Variants in KLF13 observed in about 807,000 individuals in gnomAD.
The protein encoded by KLF13 is KLF transcription factor 13.
Under a neutral mutation model 16.7 loss-of-function variants are expected in KLF13, and 8 were observed. That is an observed-to-expected ratio of 0.48 (90% CI 0.28 to 0.87). KLF13 has a LOEUF of 0.87. Ranked by LOEUF, KLF13 falls within the 40% of genes least tolerant of loss-of-function variation. KLF13 has a pLI of 0.10. For synonymous variants in KLF13, 245 were observed against 208.4 expected, an observed-to-expected ratio of 1.18 and a Z score of -1.51; for missense variants, 447 against 452.2, an observed-to-expected ratio of 0.99 and a Z score of 0.10.
In KLF13 at chr15:31,327,389, C is replaced by T. The variant is rs559841055; in HGVS notation, c.177C>T (p.Ala59=). 214 of 1,290,230 alleles carry T rather than the reference C, an allele frequency of 1.7e-4. No individual in the cohort carries two copies. In the African/African-American group the frequency reaches 2.9e-3, roughly 17 times the overall value. 79.9% of individuals were successfully genotyped at this position (1,290,230 alleles called of 1,614,324 possible). A position where few individuals can be genotyped will look rare whatever the true frequency, so the allele number is the denominator to read the frequency against. ...VEERRDGKDS[A]SLFVVARILA... ...AGCGCCGCGACGGTAAGGACAGCGCCTCGCTCTTCGTGGTGGCGCGGATCC... is the reference window on the plus strand; with the variant it reads ...AGCGCCGCGACGGTAAGGACAGCGCTTCGCTCTTCGTGGTGGCGCGGATCC... The change falls in exon 1 of 2, where the codon GCC becomes GCT. Residue 59 remains alanine, a synonymous_variant. Transcript: ENST00000307145.
intron 1 of KLF13, among the ~76,000 whole-genome samples, chr15:31,343,805 T>A (rs1272105029): frequency 6.6e-6 from 1 of 152,174 alleles, no homozygotes; most frequent in South Asian, 2.1e-4. Context: ...CATGACTCCA[T>A]GGGGAAGGTC....
At position 31,327,065 on chromosome 15, in the gene KLF13, G is replaced by A; in HGVS notation, c.-148G>A. The A allele has an allele frequency of 3.0e-6, 2 of 666,566 alleles. No individual in the cohort carries two copies. Among genetic ancestry groups the A allele is most frequent in the Non-Finnish European group, 3.9e-6 (2 of 512,464 alleles). The allele number at this position is 666,566 out of a possible 1,614,324, so 41.3% of individuals were successfully genotyped here. A position where few individuals can be genotyped will look rare whatever the true frequency, so the allele number is the denominator to read the frequency against. On this transcript the variant is annotated 5_prime_UTR_variant, in exon 1 of 2. Coordinates refer to ENST00000307145, the MANE Select transcript of KLF13 (RefSeq NM_015995.4). ...GCGGAGCCGCGCGGGTGACGGCACA[G>A]GCGGCTGCGCGCCCAGCCCAGCCCA...
intron 1 of KLF13, among the ~76,000 whole-genome samples, chr15:31,369,921 T>C (rs2039531234): frequency 6.6e-6 from 1 of 152,284 alleles, no homozygotes; most frequent in African/African-American, 2.4e-5. Flanking sequence ...TATTAAGCTG[T>C]GAGAGCTCCT....
intron 1 of KLF13, among the ~76,000 whole-genome samples, chr15:31,354,940 C>T (rs1159829466): frequency 6.6e-6 from 1 of 152,136 alleles, no homozygotes; most frequent in African/African-American, 2.4e-5. Flanking sequence ...AAGTGTGAAG[C>T]AAAAAATCCA....
chr15:31,338,942 G>A (rs1043499072), intron 1 of KLF13, among the ~76,000 whole-genome samples: 2 of 152,066 alleles, frequency 1.3e-5, no homozygotes, highest in African/African-American at 4.8e-5. Context: ...CCCCAGGGGG[G>A]CCTGAGGAGG....
At chr15:31,338,011 G>A (rs1302132632) in intron 1 of KLF13, among the ~76,000 whole-genome samples, 1 of 151,496 alleles carries the variant, frequency 6.6e-6, no homozygotes, top group Non-Finnish European at 1.5e-5. Context: ...GAGCAGGTAG[G>A]TGGTTTTCCT....
Position 31,327,690 on chromosome 15 carries a change from C to A in KLF13, c.478C>A (p.Leu160Ile). 1 of 1,532,804 alleles carries A rather than the reference C, an allele frequency of 6.5e-7. No individual in the cohort carries two copies. 95.0% of individuals were successfully genotyped at this position (1,532,804 alleles called of 1,614,324 possible). A position where few individuals can be genotyped will look rare whatever the true frequency, so the allele number is the denominator to read the frequency against. Residue 160 changes from leucine (L) to isoleucine (I), a missense_variant, in exon 1 of 2, where the codon CTC becomes ATC. Coordinates refer to ENST00000307145, the MANE Select transcript of KLF13 (RefSeq NM_015995.4). Reference protein sequence around the residue: ...RVRRGRSRADLESPQRKHKCH... With the variant: ...RVRRGRSRADIESPQRKHKCH... ...CCGGCGGGGCCGAAGTCGCGCCGAC[C>A]TCGAGTCCCCGCAGAGGAAGCACAA... is the stretch of plus-strand genomic sequence containing the variant.
chr15:31,394,031 C>T (rs2039916249), intron 2 of KLF13, among the ~76,000 whole-genome samples: 1 of 151,982 alleles, frequency 6.6e-6, no homozygotes, highest in Non-Finnish European at 1.5e-5. Context: ...TTCCTGGGGG[C>T]GCGGTCCATG....
At position 31,359,595 on chromosome 15, in the gene KLF13, A is replaced by G. The variant is rs117076738; in HGVS notation, c.578-12415A>G. Among the ~76,000 whole-genome samples the G allele has an allele frequency of 5.3e-4, 81 of 152,348 alleles. 1 individual carries two copies. In the East Asian group the frequency reaches 0.015, roughly 28 times the overall value. ...CCAAAGTGATTCATTTGATGAAGGC[A>G]GAAATGCAGAAAGGACAGTCACACA... On this transcript the variant is annotated intron_variant, in intron 1 of 1. Coordinates refer to ENST00000307145, the MANE Select transcript of KLF13 (RefSeq NM_015995.4).
At chr15:31,364,958 G>A (rs769398476) in intron 1 of KLF13, among the ~76,000 whole-genome samples, 3 of 152,234 alleles carry the variant, frequency 2.0e-5, no homozygotes, top group Non-Finnish European at 4.4e-5. Context: ...GAGGCTGTAT[G>A]CCTGAGTTTC....
chr15:31,370,044 CTTT>C (rs912005994), intron 1 of KLF13, among the ~76,000 whole-genome samples: 3 of 99,300 alleles, frequency 3.0e-5, no homozygotes, highest in Non-Finnish European at 6.4e-5. Context: ...TCTCCTTTTT[CTTT>C]TTTTTTTTTT....
rs2038746067 is a variant in KLF13, at chr15:31,327,852, C to A, written c.577+63C>A. ...GGGGTCGGCGCGAGCTGCCCGACCA[C>A]GCCCCCGGAGTCCCCGATGGGGCGC... On this transcript the variant is annotated intron_variant, in intron 1 of 1. Coordinates refer to ENST00000307145, the MANE Select transcript of KLF13 (RefSeq NM_015995.4). 6.1e-6 allele frequency: 8 copies of A among 1,306,358 alleles called. No homozygotes were observed. The Admixed American group carries it at 1.3e-4, about 22-fold the overall frequency. 80.9% of individuals were successfully genotyped at this position (1,306,358 alleles called of 1,614,324 possible).
rs977215422 is a variant in KLF13 at position 31,372,443 on chromosome 15, TAAAA to T, written c.*148_*151del. 4.2e-6 allele frequency: 4 copies of T among 962,632 alleles called. No individual in the cohort carries two copies. The African/African-American group carries it at 6.9e-5, about 17-fold the overall frequency. The allele number at this position is 962,632 out of a possible 1,614,324, so 59.6% of individuals were successfully genotyped here. ...ACCTCAGGTGTCAAAGTAAATTTGT[TAAAA>T]AAACAAAAAAAACACAAAAATTTCA... On this transcript the variant is annotated 3_prime_UTR_variant, in exon 2 of 2. Coordinates refer to ENST00000307145, the MANE Select transcript of KLF13 (RefSeq NM_015995.4).
chr15:31,423,169 A>G lies in KLF13; in HGVS notation n.118-12201A>G, dbSNP rs1366055296. 3.4e-5 allele frequency among the ~76,000 whole-genome samples: 4 copies of G among 118,290 alleles called. 1 individual carries two copies. Among genetic ancestry groups the G allele is most frequent in the African/African-American group, 1.9e-4 (4 of 20,784 alleles). 77.6% of individuals were successfully genotyped at this position (118,290 alleles called of 152,430 possible). On this transcript the variant is annotated intron_variant and non_coding_transcript_variant, in intron 1 of 1. Coordinates refer to the KLF13 transcript ENST00000558225. ...CGTATATATACGTATATATATGTATATATATACATATATACGTATATATAT... is the reference window on the plus strand; with the variant it reads ...CGTATATATACGTATATATATGTATGTATATACATATATACGTATATATAT...
intron 1 of KLF13, among the ~76,000 whole-genome samples, chr15:31,369,904 C>T (rs1383496856): frequency 6.6e-6 from 1 of 152,182 alleles, no homozygotes; most frequent in Non-Finnish European, 1.5e-5. Context: ...TTTCTTCCCC[C>T]TCTCTCTATT....
At position 31,375,263 on chromosome 15, in the gene KLF13, C is replaced by T. The variant is rs1460813721; in HGVS notation, c.*2964C>T. 6.6e-6 allele frequency: 1 copy of T among 152,214 alleles called. No homozygotes were observed. The highest frequency in any genetic ancestry group is 2.4e-5 in the African/African-American group (1 of 41,438). The allele number at this position is 152,214 out of a possible 1,614,324, so 9.4% of individuals were successfully genotyped here. On this transcript the variant is annotated 3_prime_UTR_variant, in exon 2 of 2. Coordinates refer to ENST00000307145, the MANE Select transcript of KLF13 (RefSeq NM_015995.4). ...CCATTTCATCATGAAGTGAGGGACT[C>T]CTGTGGAAGAGGGTGGTGGGCCTTG...
rs2141010400 is a variant in KLF13 at position 31,423,154 on chromosome 15, C to CAT, written n.118-12216_118-12215insAT. 2.2e-5 allele frequency among the ~76,000 whole-genome samples: 2 copies of CAT among 92,620 alleles called. 1 individual carries two copies. The highest frequency in any genetic ancestry group is 1.0e-4 in the African/African-American group (2 of 19,784). The allele number at this position is 92,620 out of a possible 152,430, so 60.8% of individuals were successfully genotyped here. A position where few individuals can be genotyped will look rare whatever the true frequency, so the allele number is the denominator to read the frequency against. On this transcript the variant is annotated intron_variant and non_coding_transcript_variant, in intron 1 of 1. Transcript: ENST00000558225. The stretch of plus-strand genomic sequence containing the variant: ...ATACGTATACGTATACGTATATATA[C>CAT]GTATATATATGTATATATATACATA...
intron 1 of KLF13, among the ~76,000 whole-genome samples, chr15:31,338,604 T>C (rs892255154): frequency 6.6e-6 from 1 of 152,120 alleles, no homozygotes; most frequent in Non-Finnish European, 1.5e-5. Context: ...GAACCAGCCT[T>C]CAGGATGGAG....
intron 1 of KLF13, among the ~76,000 whole-genome samples, chr15:31,371,203 G>C (rs2039550179): frequency 6.6e-6 from 1 of 152,196 alleles, no homozygotes; most frequent in African/African-American, 2.4e-5. Flanking sequence ...GTAAATGCTG[G>C]CCTGTCTCCC....
Sources: gnomAD v4.1 joint callset for allele counts (sites outside exome capture counted in the v4.1 genomes callset) on GRCh38, gnomAD v4.1.1 for gene constraint, MANE v1.5 for transcripts, NCBI Gene and HGNC (gene_info 2026-07-23, HGNC 2026-07-21) for gene names.